The following DOCK6 variants were observed in gnomAD, a reference collection of about 807,000 sequenced individuals.
DOCK6 encodes the protein dedicator of cytokinesis protein 6.
A neutral mutation model predicts 230.3 loss-of-function variants in DOCK6; 167 were observed. The observed-to-expected ratio is 0.73, with a 90% CI of 0.64 to 0.82. The LOEUF (loss-of-function observed/expected upper bound fraction) is 0.82. DOCK6 is among the 40% of genes least tolerant of loss of function. DOCK6 has a pLI of 0.00. For missense variants in DOCK6, 2,598 were observed against 2,825.8 expected (o/e 0.92, Z 1.83); for synonymous variants, 1,148 against 1,185.0 (o/e 0.97, Z 0.64).
intron 5 of DOCK6, 134 bp from the exon 6 acceptor site, chr19:11,251,220 G>T: frequency 1.1e-6 from 1 of 876,712 alleles, no homozygotes; most frequent in Non-Finnish European, 1.7e-6. Flanking sequence ...CACTCTAAGG[G>T]TCACCTGGGG....
intron 7 of DOCK6, chr19:11,247,551 C>T (rs2080054734): frequency 6.5e-6 from 1 of 153,238 alleles, no homozygotes; most frequent in Admixed American, 6.5e-5. Flanking sequence ...CAGGGCCAGG[C>T]TCAGGTCCAA....
rs527829330 is a variant in DOCK6 at position 11,200,618 on chromosome 19, G to A, written c.5939+98C>T. On this transcript the variant is annotated intron_variant, in intron 46 of 47. Coordinates refer to ENST00000294618, the MANE Select transcript of DOCK6 (RefSeq NM_020812.4). This position sits in a 1 kb window ranked among gnomAD's most constrained non-coding sequence, Gnocchi z 4.3. ...TGGGAGAGTGGACTTAATGGGAATC[G>A]GGCAGATGGGGGAGCCATGCAGAGA... 1.4e-4 allele frequency: 206 copies of A among 1,487,760 alleles called. No homozygotes were observed. Among genetic ancestry groups the A allele is most frequent in the Non-Finnish European group, 1.5e-4 (170 of 1,100,722 alleles). The allele number at this position is 1,487,760 out of a possible 1,614,324, so 92.2% of individuals were successfully genotyped here.
At chr19:11,210,630 C>T (rs565703476) in intron 37 of DOCK6, among the ~76,000 whole-genome samples, 5 of 149,952 alleles carry the variant, frequency 3.3e-5, no homozygotes, top group African/African-American at 1.2e-4. Flanking sequence ...GTCCCCTCAC[C>T]TGTTCACCCT....
chr19:11,202,746 C>A lies in DOCK6; in HGVS notation c.5236-37G>T. 6.2e-7 allele frequency: 1 copy of A among 1,610,652 alleles called. No homozygotes were observed. The highest frequency in any genetic ancestry group is 8.5e-7 in the Non-Finnish European group (1 of 1,179,854). ...AGAAAGGGTGTGGTTGTCCGGGAGG[C>A]CCCTGCTGGAGGTCTCCCTGCCCCA... On this transcript the variant is annotated intron_variant, in intron 41 of 47. Transcript: ENST00000294618. This position sits in a 1 kb window ranked among gnomAD's most constrained non-coding sequence, Gnocchi z 5.3.
At chr19:11,240,351 C>T (rs559460470) in intron 14 of DOCK6, 37 of 1,466,780 alleles carry the variant, frequency 2.5e-5, no homozygotes, top group Admixed American at 5.5e-5. Flanking sequence ...GGCCAGAACT[C>T]GCTTCTGCAC....
intron 37 of DOCK6, among the ~76,000 whole-genome samples, 188 bp downstream of exon 37, chr19:11,211,585 CTGT>C (rs2079386204): frequency 7.1e-5 from 2 of 28,148 alleles, no homozygotes; most frequent in Non-Finnish European, 2.0e-4. Context: ...GTCTGCTCAG[CTGT>C]CTGCTCACCT....
intron 14 of DOCK6, chr19:11,239,863 C>T: frequency 1.3e-6 from 2 of 1,598,518 alleles, no homozygotes; most frequent in East Asian, 2.3e-5. Flanking sequence ...CACAATAGAA[C>T]TCCTGGGGCA....
In DOCK6 at chr19:11,204,247, C is replaced by T. The variant is rs763327467; in HGVS notation, c.5173G>A (p.Ala1725Thr). 3.0e-5 allele frequency: 48 copies of T among 1,591,144 alleles called. No individual in the cohort carries two copies. The highest frequency in any genetic ancestry group is 1.9e-4 in the Admixed American group (11 of 57,424). Residue 1725 changes from alanine (A) to threonine (T), a missense_variant, in exon 40 of 48, where the codon GCG (alanine) becomes ACG (threonine). By Grantham distance (58) the Ala-to-Thr change is moderately conservative. Coordinates refer to ENST00000294618, the MANE Select transcript of DOCK6 (RefSeq NM_020812.4). The part of the protein sequence containing the change: ...EAHRDYKKLA[A>T]VHGKLQEAFT... ...GCCTCCTGCAGTTTGCCGTGCACCG[C>T]GGCCAGCTTCTTGTAGTCACGGTGG...
chr19:11,214,669 C>A lies in DOCK6; in HGVS notation c.4107-20G>T, dbSNP rs774157649. The A allele has an allele frequency of 3.4e-5, 54 of 1,610,374 alleles. 2 individuals are homozygous for A. The South Asian group carries it at 5.3e-4, about 16-fold the overall frequency. On this transcript the variant is annotated intron_variant, in intron 32 of 47. Transcript: ENST00000294618. ...TTGGTCCTGGAAGGGGAAAGGAGGT[C>A]TTGGGGGCCCACTCGGGGTGAGATC...
Position 11,245,695 on chromosome 19 carries a change from GTAGAAGT to G in DOCK6, c.884_890del (p.Asn295ThrfsTer4). ...TCATGGAGTCCGAGTTCAGGTCGAA[GTAGAAGT>G]TCTCCGAGATCTGGGGACACCAGAG... On this transcript the variant is annotated frameshift_variant, in exon 9 of 48. Transcript: ENST00000294618. LOFTEE classifies it high-confidence loss of function. 1 of 1,605,654 alleles carries G rather than the reference GTAGAAGT, an allele frequency of 6.2e-7. No homozygotes were observed. Among genetic ancestry groups the G allele is most frequent in the East Asian group, 2.2e-5 (1 of 44,760 alleles).
intron 9 of DOCK6, among the ~76,000 whole-genome samples, chr19:11,244,864 G>T (rs1433743605): frequency 6.6e-6 from 1 of 152,192 alleles, no homozygotes; most frequent in African/African-American, 2.4e-5. Flanking sequence ...AAAGTGCTAG[G>T]ATTACAGTTG....
chr19:11,261,376 C>T (rs2080285371), intron 1 of DOCK6, among the ~76,000 whole-genome samples: 1 of 131,702 alleles, frequency 7.6e-6, no homozygotes, highest in Non-Finnish European at 1.6e-5. Context: ...GTCTTCTTGT[C>T]CCTACAGCAC....
At chr19:11,211,945 TG>T in intron 36 of DOCK6, 47 bp downstream of exon 36, 1 of 1,294,736 alleles carries the variant, frequency 7.7e-7, no homozygotes, top group African/African-American at 1.6e-5. Context: ...GTGGTGGGGT[TG>T]GGAGTTATAT....
At chr19:11,245,266 C>T (rs555770158) in intron 9 of DOCK6, among the ~76,000 whole-genome samples, 40 of 152,212 alleles carry the variant, frequency 2.6e-4, no homozygotes, top group Non-Finnish European at 5.0e-4. Flanking sequence ...TGTCCACAAA[C>T]TTCCCAACAG....
intron 30 of DOCK6, 92 bp downstream of exon 30, chr19:11,216,822 T>A: frequency 1.5e-6 from 2 of 1,312,704 alleles, no homozygotes; most frequent in South Asian, 2.4e-5. Context: ...ACAAAGACAG[T>A]CCACCCCTTC....
intron 14 of DOCK6, chr19:11,238,528 T>G (rs554471237): frequency 1.8e-6 from 1 of 557,020 alleles, no homozygotes; most frequent in African/African-American, 1.9e-5. Flanking sequence ...AAAACACAGA[T>G]TGGGAACAGT....
rs1279986458 is a variant in DOCK6 at position 11,221,971 on chromosome 19, A to G, written c.3430T>C (p.Cys1144Arg). 11 of 1,613,914 alleles carry G rather than the reference A, an allele frequency of 6.8e-6. No individual in the cohort carries two copies. Among genetic ancestry groups the G allele is most frequent in the African/African-American group, 1.3e-5 (1 of 75,054 alleles). The change falls in exon 28 of 48, where the codon TGT (cysteine) becomes CGT (arginine). Residue 1144 changes from cysteine (C) to arginine (R), a missense_variant. Coordinates refer to ENST00000294618, the MANE Select transcript of DOCK6 (RefSeq NM_020812.4). ...TAGCGGGGGTCAGTGTCATGGCCAC[A>G]TAGCAGGCTGTGCACAGCACTGATG... ...KAISAVHSLL[C>R]GHDTDPRYAE... is the part of the protein sequence containing the mutation.
intron 1 of DOCK6, among the ~76,000 whole-genome samples, chr19:11,254,873 C>G (rs1448916543): frequency 5.3e-5 from 8 of 152,148 alleles, no homozygotes; most frequent in South Asian, 4.2e-4. Flanking sequence ...GCAGGGGGCA[C>G]AGCAGGTGCA....
chr19:11,227,616 A>C (rs1196096923), intron 23 of DOCK6, 139 bp from the exon 24 acceptor site: 2 of 985,872 alleles, frequency 2.0e-6, no homozygotes, highest in African/African-American at 2.0e-5. Context: ...TGGGTGGAGG[A>C]GGCTTGACAG....
Sources: allele counts gnomAD v4.1 joint callset (sites outside exome capture counted in the v4.1 genomes callset), GRCh38; gene constraint gnomAD v4.1.1; non-coding constraint Gnocchi (gnomAD v3.1); transcripts MANE v1.5; gene names NCBI Gene and HGNC (gene_info 2026-07-23, HGNC 2026-07-21).